Variants in NRG1 observed in about 807,000 individuals in gnomAD.
The protein encoded by NRG1 is neuregulin 1, also known as pro-neuregulin-1, membrane-bound isoform.
In NRG1, 18 loss-of-function variants were observed where a neutral mutation model predicts 63.8. That is an observed-to-expected ratio of 0.28 (90% CI 0.19 to 0.42). NRG1 has a LOEUF of 0.42. NRG1 is among the 10% of genes least tolerant of loss of function. The probability of loss-of-function intolerance (pLI) is 1.00; values close to 1 mark genes in which losing one functional copy is unlikely to be tolerated. For missense variants in NRG1, 762 were observed against 814.7 expected (o/e 0.94, Z 0.79); for synonymous variants, 302 against 301.3 (o/e 1.00, Z -0.02).
chr8:31,962,960 G>C (rs150467450), intron 1 of NRG1, among the ~76,000 whole-genome samples: 2 of 152,246 alleles, frequency 1.3e-5, no homozygotes, highest in African/African-American at 4.8e-5. Context: ...AAGTAGAAGT[G>C]GACATAACGT....
chr8:32,693,100 G>A (rs1288934009), intron 5 of NRG1, among the ~76,000 whole-genome samples: 2 of 152,046 alleles, frequency 1.3e-5, no homozygotes, highest in Admixed American at 1.3e-4. Context: ...GAGGGTTGCT[G>A]TTTGCACATA....
At chr8:32,693,868 T>C (rs1472048426) in intron 5 of NRG1, among the ~76,000 whole-genome samples, 1 of 152,054 alleles carries the variant, frequency 6.6e-6, no homozygotes, top group Non-Finnish European at 1.5e-5. Context: ...TTGTTAGGAG[T>C]ACATAAAAGA....
intron 1 of NRG1, among the ~76,000 whole-genome samples, chr8:32,069,828 C>G (rs770694160): frequency 1.2e-4 from 18 of 152,252 alleles, no homozygotes; most frequent in Non-Finnish European, 2.5e-4. Flanking sequence ...TCTAGATCTC[C>G]CTGCAGTGGT....
chr8:32,108,518 G>T (rs1401222105), intron 1 of NRG1, among the ~76,000 whole-genome samples: 1 of 152,088 alleles, frequency 6.6e-6, no homozygotes, highest in South Asian at 2.1e-4. Context: ...CCTCTTAAAG[G>T]CTCTATCTCT....
At chr8:32,141,803 A>G (rs1464268248) in intron 1 of NRG1, among the ~76,000 whole-genome samples, 2 of 151,776 alleles carry the variant, frequency 1.3e-5, no homozygotes, top group Non-Finnish European at 2.9e-5. Context: ...ACTGCACAAT[A>G]AACAATAAGA....
At chr8:32,064,994 G>A (rs528725379) in intron 1 of NRG1, among the ~76,000 whole-genome samples, 5 of 152,124 alleles carry the variant, frequency 3.3e-5, no homozygotes, top group Admixed American at 3.3e-4. Flanking sequence ...CAATTACATT[G>A]GGGGATAGTC....
chr8:32,485,574 GCAGA>G (rs1214048640), intron 1 of NRG1, among the ~76,000 whole-genome samples: 1 of 152,178 alleles, frequency 6.6e-6, no homozygotes, highest in Non-Finnish European at 1.5e-5. Flanking sequence ...TAGCTGCAAA[GCAGA>G]CACTCAAGAA....
At chr8:31,776,185 G>A (rs529555302) in intron 1 of NRG1, among the ~76,000 whole-genome samples, 9 of 152,188 alleles carry the variant, frequency 5.9e-5, no homozygotes, top group Non-Finnish European at 1.0e-4. Flanking sequence ...GTTGGCCAAA[G>A]CCCTCAGAGG....
At chr8:31,907,825 A>G (rs1439262177) in intron 1 of NRG1, among the ~76,000 whole-genome samples, 1 of 152,214 alleles carries the variant, frequency 6.6e-6, no homozygotes, top group Non-Finnish European at 1.5e-5. Context: ...GTGTGCAACT[A>G]TCTTAATTAT....
chr8:32,373,988 A>G (rs529027172), intron 1 of NRG1, among the ~76,000 whole-genome samples: 4 of 152,228 alleles, frequency 2.6e-5, no homozygotes, highest in Non-Finnish European at 5.9e-5. Flanking sequence ...ATTATGGGTA[A>G]CATTGTATTC....
At chr8:32,710,917 T>G (rs1027837504) in intron 5 of NRG1, among the ~76,000 whole-genome samples, 3 of 152,202 alleles carry the variant, frequency 2.0e-5, no homozygotes, top group Non-Finnish European at 1.5e-5. Context: ...ATGCATCAGT[T>G]TGACTCACAG....
chr8:32,139,883 C>T (rs551041610), intron 1 of NRG1, among the ~76,000 whole-genome samples: 1 of 152,306 alleles, frequency 6.6e-6, no homozygotes, highest in East Asian at 1.9e-4. Context: ...TACAAAGTAG[C>T]TTCTGAAAGA....
At chr8:32,252,296 G>A (rs565258479) in intron 1 of NRG1, among the ~76,000 whole-genome samples, 3 of 151,872 alleles carry the variant, frequency 2.0e-5, no homozygotes, top group African/African-American at 4.8e-5. Context: ...ATGATACTGC[G>A]TCAGTTTTCT....
intron 1 of NRG1, among the ~76,000 whole-genome samples, chr8:31,991,211 A>G (rs1002155573): frequency 1.3e-5 from 2 of 152,020 alleles, no homozygotes; most frequent in African/African-American, 4.8e-5. Context: ...TCGAGTAAAC[A>G]AAGTCCCCCT....
At chr8:32,320,831 C>G (rs1453859782) in intron 1 of NRG1, among the ~76,000 whole-genome samples, 1 of 152,102 alleles carries the variant, frequency 6.6e-6, no homozygotes, top group African/African-American at 2.4e-5. Flanking sequence ...ATTGTATGGT[C>G]TTGGTTTTAA....
At chr8:32,326,373 G>A (rs1441575039) in intron 1 of NRG1, among the ~76,000 whole-genome samples, 3 of 148,322 alleles carry the variant, frequency 2.0e-5, no homozygotes, top group East Asian at 4.0e-4. Context: ...GTGTAGTGGT[G>A]CAATCAAAGC....
chr8:31,830,302 T>TTTCCTTCCTTCC lies in NRG1; in HGVS notation c.37+190920_37+190931dup, dbSNP rs375861946. Among the ~76,000 whole-genome samples, 125 of 122,730 alleles carry TTTCCTTCCTTCC rather than the reference T, an allele frequency of 1.0e-3. 1 individual carries two copies. The highest frequency in any genetic ancestry group is 4.2e-3 in the Middle Eastern group (1 of 236). 80.5% of individuals were successfully genotyped at this position (122,730 alleles called of 152,430 possible). Reference sequence around the variant, plus strand: ...TATTTTTGATGCAGTGCTCTTCTTTTTTCCTTCCTTCCTTCCTTCCTTCCT... The same window carrying TTTCCTTCCTTCC: ...TATTTTTGATGCAGTGCTCTTCTTTTTTCCTTCCTTCCTTCCTTCCTTCCTTCCTTCCTTCCT... On this transcript the variant is annotated intron_variant, in intron 1 of 10. Transcript: ENST00000519301.
chr8:32,600,325 GACACACAC>G (rs5890665), intron 2 of NRG1, among the ~76,000 whole-genome samples: 2 of 149,572 alleles, frequency 1.3e-5, no homozygotes, highest in Admixed American at 6.7e-5. Context: ...AGCAGTGTTG[GACACACAC>G]ACACACACAC....
At chr8:32,145,712 G>T (rs1257563109) in intron 1 of NRG1, among the ~76,000 whole-genome samples, 1 of 152,204 alleles carries the variant, frequency 6.6e-6, no homozygotes, top group Non-Finnish European at 1.5e-5. Context: ...ACTTTTAGAT[G>T]ACATTAGCCA....
Sources: allele counts gnomAD v4.1 joint callset (sites outside exome capture counted in the v4.1 genomes callset), GRCh38; gene constraint gnomAD v4.1.1; transcripts MANE v1.5; gene names NCBI Gene and HGNC (gene_info 2026-07-23, HGNC 2026-07-21).